The following AFF2 variants were observed in gnomAD, a reference collection of about 807,000 sequenced individuals.
The protein encoded by AFF2 is AF4/FMR2 family member 2.
A neutral mutation model predicts 76.9 loss-of-function variants in AFF2; 14 were observed. The ratio of observed to expected loss-of-function variants is 0.18; its 90% CI spans 0.12 to 0.28. The LOEUF is 0.28. Ranked by LOEUF, AFF2 falls within the 10% of genes least tolerant of loss-of-function variation. The probability of loss-of-function intolerance (pLI) is 1.00; values close to 1 mark genes in which losing one functional copy is unlikely to be tolerated. For synonymous variants in AFF2, 398 were observed against 366.7 expected, an observed-to-expected ratio of 1.09 and a Z score of -0.98; for missense variants, 868 against 1,001.1, an observed-to-expected ratio of 0.87 and a Z score of 1.79.
At chrX:148,600,514 A>G (rs2053616283) in intron 1 of AFF2, among the ~76,000 whole-genome samples, 1 of 112,061 alleles carries the variant, frequency 8.9e-6, no homozygotes, top group African/African-American at 3.2e-5. Flanking sequence ...TGAGCACTTT[A>G]TTTGTAAATG....
intron 8 of AFF2, among the ~76,000 whole-genome samples, chrX:148,889,013 G>A (rs782669288): frequency 1.5e-4 from 17 of 111,521 alleles, no homozygotes; most frequent in Non-Finnish European, 2.6e-4. Flanking sequence ...TTCTGGAGAC[G>A]TCCCCAAATC....
chrX:148,912,305 C>A (rs1240250638), intron 9 of AFF2, among the ~76,000 whole-genome samples: 1 of 111,951 alleles, frequency 8.9e-6, no homozygotes, highest in Non-Finnish European at 1.9e-5. Flanking sequence ...CCCCATCAGG[C>A]CCTGGTGTGT....
chrX:148,662,916 C>T, intron 3 of AFF2, 148 bp downstream of exon 3: 1 of 599,560 alleles, frequency 1.7e-6, no homozygotes, highest in Non-Finnish European at 2.5e-6. Flanking sequence ...TTTTGATCTT[C>T]TGTCACTTGT....
intron 3 of AFF2, among the ~76,000 whole-genome samples, chrX:148,707,906 G>A (rs1569553865): frequency 8.9e-6 from 1 of 111,861 alleles, no homozygotes; most frequent in East Asian, 2.8e-4. Flanking sequence ...AATGCAGAAA[G>A]AATGGCCACT....
At chrX:148,806,239 C>T (rs1363023515) in intron 3 of AFF2, among the ~76,000 whole-genome samples, 1 of 112,300 alleles carries the variant, frequency 8.9e-6, no homozygotes, top group East Asian at 2.8e-4. Flanking sequence ...AAGAGAATAG[C>T]ATTTGGGGCC....
chrX:148,508,322 T>C (rs1407060327), intron 1 of AFF2, among the ~76,000 whole-genome samples: 2 of 112,399 alleles, frequency 1.8e-5, no homozygotes, highest in Non-Finnish European at 3.8e-5. Context: ...TTTTGTGTTT[T>C]GTAGGCAACG....
At chrX:148,882,363 A>C (rs1254435201) in intron 7 of AFF2, among the ~76,000 whole-genome samples, 1 of 111,947 alleles carries the variant, frequency 8.9e-6, no homozygotes, top group Non-Finnish European at 1.9e-5. Context: ...TTTTGTTCAC[A>C]GTTTTATAGA....
chrX:148,671,027 T>C (rs1460665620), intron 3 of AFF2, among the ~76,000 whole-genome samples: 1 of 111,230 alleles, frequency 9.0e-6, no homozygotes, highest in African/African-American at 3.3e-5. Context: ...TTTTTTTCTT[T>C]TCTAAGGCTG....
intron 7 of AFF2, among the ~76,000 whole-genome samples, chrX:148,846,932 G>A (rs2070674825): frequency 9.0e-6 from 1 of 111,147 alleles, no homozygotes; most frequent in Non-Finnish European, 1.9e-5. Flanking sequence ...ATAGAGTCTC[G>A]CTCTGTCCCC....
chrX:148,713,116 T>C (rs1475440469), intron 3 of AFF2, among the ~76,000 whole-genome samples: 2 of 110,402 alleles, frequency 1.8e-5, no homozygotes, highest in Admixed American at 1.9e-4. Flanking sequence ...GTGCAAAGGA[T>C]GTCTGAAAAA....
chrX:148,943,554 T>C (rs1407790071), intron 9 of AFF2, among the ~76,000 whole-genome samples: 1 of 112,265 alleles, frequency 8.9e-6, no homozygotes, highest in Non-Finnish European at 1.9e-5. Context: ...CGATAACTGT[T>C]CCTTCTACCT....
Position 148,662,024 on chromosome X carries a change from G to T in AFF2, c.297G>T (p.Lys99Asn). The change falls in exon 3 of 21, where the codon AAG (lysine) becomes AAT (asparagine). Residue 99 changes from lysine (K) to asparagine (N), a missense_variant. Physicochemically the swap from Lys to Asn is moderately conservative, Grantham distance 94. Around this residue, in one of 6 missense-constraint regions of AFF2, gnomAD observed 196 missense variants for 194.8 expected, o/e 1.01. Transcript: ENST00000370460. Reference sequence around the variant, plus strand: ...AGAATCACCTAGTGGGAATTCCAAAGAATTCTGTGCCCCAGAATCCCAACA... The same window carrying T: ...AGAATCACCTAGTGGGAATTCCAAATAATTCTGTGCCCCAGAATCCCAACA... The part of the protein sequence containing the change: ...SNQNHLVGIP[K>N]NSVPQNPNNK... The T allele has an allele frequency of 8.3e-7, 1 of 1,210,879 alleles. No homozygotes were observed. Among genetic ancestry groups the T allele is most frequent in the South Asian group, 1.8e-5 (1 of 56,977 alleles).
chrX:148,797,614 A>T (rs1557270611), intron 3 of AFF2, among the ~76,000 whole-genome samples: 3 of 112,132 alleles, frequency 2.7e-5, no homozygotes, highest in Non-Finnish European at 5.6e-5. Context: ...GTCCTGTCTT[A>T]CTTCCTTGCT....
chrX:148,873,456 G>T (rs2071002047), intron 7 of AFF2, among the ~76,000 whole-genome samples: 1 of 107,869 alleles, frequency 9.3e-6, no homozygotes, highest in Non-Finnish European at 1.9e-5. Context: ...CTCTTTAATT[G>T]GGTTACTTAT....
intron 2 of AFF2, among the ~76,000 whole-genome samples, chrX:148,653,423 C>A (rs899120654): frequency 6.3e-5 from 7 of 111,825 alleles, no homozygotes; most frequent in Admixed American, 9.5e-5. Context: ...TGGCAGAGAT[C>A]ATTTGACACA....
chrX:148,626,337 C>G (rs782645673), intron 1 of AFF2, among the ~76,000 whole-genome samples: 3 of 110,301 alleles, frequency 2.7e-5, no homozygotes, highest in South Asian at 7.9e-4. Flanking sequence ...TCTTCACTCC[C>G]TCCTCTACTC....
intron 9 of AFF2, among the ~76,000 whole-genome samples, chrX:148,919,536 T>C (rs1434365059): frequency 1.8e-5 from 2 of 109,843 alleles, no homozygotes; most frequent in Non-Finnish European, 3.8e-5. Context: ...ATAAAATTTT[T>C]ACATATATAT....
chrX:148,907,026 C>T (rs1305334942), intron 9 of AFF2, among the ~76,000 whole-genome samples: 13 of 111,610 alleles, frequency 1.2e-4, no homozygotes, highest in African/African-American at 4.2e-4. Flanking sequence ...CACCACATGG[C>T]CCAAGGTTCC....
At chrX:148,775,862 C>CTT (rs58186520) in intron 3 of AFF2, among the ~76,000 whole-genome samples, 70 of 105,550 alleles carry the variant, frequency 6.6e-4, no homozygotes, top group South Asian at 5.3e-3. Context: ...AGATCCTTAA[C>CTT]TTTTTTTTTT....
Sources: gnomAD v4.1 joint callset for allele counts (sites outside exome capture counted in the v4.1 genomes callset) on GRCh38, gnomAD v4.1.1 for gene constraint, gnomAD v4.1.1 regional missense constraint, MANE v1.5 for transcripts, NCBI Gene and HGNC (gene_info 2026-07-23, HGNC 2026-07-21) for gene names.